RASSF6: variants seen among roughly 807,000 people sequenced by gnomAD.
The protein encoded by RASSF6 is ras association domain-containing protein 6.
Under a neutral mutation model 44.0 loss-of-function variants are expected in RASSF6, and 52 were observed. The ratio of observed to expected loss-of-function variants is 1.18; its 90% CI spans 0.95 to 1.49. RASSF6 has a LOEUF of 1.49. RASSF6 is among the 40% of genes most tolerant of loss of function. The pLI is 0.00. For missense variants in RASSF6, 464 were observed against 393.3 expected (o/e 1.18, Z -1.52); for synonymous variants, 162 against 124.6 (o/e 1.30, Z -2.00).
chr4:73,593,306 G>T lies in RASSF6; in HGVS notation c.287+145C>A, dbSNP rs187407741. ...GCCGGGATTACAGGTGTGAGCCACC[G>T]TGCCCGGCCATTGCTGGGAAATTAA... On this transcript the variant is annotated intron_variant, in intron 4 of 10. Transcript: ENST00000307439. The T allele has an allele frequency of 3.6e-3, 2,835 of 795,818 alleles. 5 individuals are homozygous for T. Among genetic ancestry groups the T allele is most frequent in the Non-Finnish European group, 4.3e-3 (2,296 of 532,690 alleles). The allele number at this position is 795,818 out of a possible 1,614,324, so 49.3% of individuals were successfully genotyped here. A position where few individuals can be genotyped will look rare whatever the true frequency, so the allele number is the denominator to read the frequency against.
At chr4:73,614,168 C>T (rs1726196940) in intron 1 of RASSF6, among the ~76,000 whole-genome samples, 6 of 152,194 alleles carry the variant, frequency 3.9e-5, no homozygotes, top group Admixed American at 1.3e-4. Context: ...CACTGTACCA[C>T]TAACATATTC....
chr4:73,601,808 G>T (rs1242552882), intron 2 of RASSF6, among the ~76,000 whole-genome samples: 1 of 152,132 alleles, frequency 6.6e-6, no homozygotes, highest in Non-Finnish European at 1.5e-5. Flanking sequence ...AATTTAACTT[G>T]GCATTAGGGG....
chr4:73,598,057 AACC>A (rs372101563), intron 3 of RASSF6, among the ~76,000 whole-genome samples: 150 of 152,326 alleles, frequency 9.8e-4, no homozygotes, highest in African/African-American at 3.2e-3. Flanking sequence ...CTGTACAACA[AACC>A]ACCATGACAC....
chr4:73,593,481 A>C lies in RASSF6; in HGVS notation c.257T>G (p.Met86Arg), dbSNP rs1213074105. The C allele has an allele frequency of 1.2e-6, 2 of 1,613,226 alleles. No homozygotes were observed. The highest frequency in any genetic ancestry group is 1.7e-6 in the Non-Finnish European group (2 of 1,179,784). The change falls in exon 4 of 11, where the codon ATG (methionine) becomes AGG (arginine). Residue 86 changes from methionine to arginine, a missense_variant. Met to Arg is a moderately conservative substitution (Grantham distance 91, BLOSUM62 -1). Transcript: ENST00000307439. ...DEKPFSSFTS[M>R]KSSDVFSSKG... ...GCTGGAGAAGACGTCTGATGACTTC[A>C]TACTAGTAAAAGAAGAGAATGGCTT...
intron 6 of RASSF6, among the ~76,000 whole-genome samples, chr4:73,584,451 C>T (rs1246523472): frequency 2.0e-5 from 3 of 152,032 alleles, no homozygotes; most frequent in Non-Finnish European, 2.9e-5. Context: ...GTCTTACAAG[C>T]ACTATGGAAA....
Position 73,606,397 on chromosome 4 carries a change from A to G in RASSF6, c.65+5334T>C, listed in dbSNP as rs111929552. 7.9e-3 allele frequency among the ~76,000 whole-genome samples: 1,206 copies of G among 152,330 alleles called. 19 individuals are homozygous for G. The highest frequency in any genetic ancestry group is 0.028 in the African/African-American group (1,151 of 41,576). On this transcript the variant is annotated intron_variant, in intron 2 of 10. Coordinates refer to ENST00000307439, the MANE Select transcript of RASSF6 (RefSeq NM_177532.5). The stretch of plus-strand genomic sequence containing the variant: ...CATGGACACAAAGATGGGAACAATG[A>G]GCACTGGGGACCACTAGATGCAAGA...
intron 1 of RASSF6, among the ~76,000 whole-genome samples, chr4:73,620,034 T>A (rs1221439920): frequency 5.3e-5 from 8 of 151,952 alleles, no homozygotes; most frequent in Non-Finnish European, 1.2e-4. Context: ...TATGGTCACA[T>A]TTACCTCCAA....
At chr4:73,591,004 C>T (rs1450900018) in intron 4 of RASSF6, among the ~76,000 whole-genome samples, 1 of 152,110 alleles carries the variant, frequency 6.6e-6, no homozygotes, top group Non-Finnish European at 1.5e-5. Flanking sequence ...CCTTGTCCAC[C>T]TGGGCTCTTG....
rs144115640 is a variant in RASSF6 at position 73,595,048 on chromosome 4, T to G, written c.145-1455A>C. Reference sequence around the variant, plus strand: ...TCCAAGGACTGCCCCTTTTAAACAGTGTCAGAAGATTTGAAAAATTCTGAA... The same window carrying G: ...TCCAAGGACTGCCCCTTTTAAACAGGGTCAGAAGATTTGAAAAATTCTGAA... On this transcript the variant is annotated intron_variant, in intron 3 of 10. Coordinates refer to ENST00000307439, the MANE Select transcript of RASSF6 (RefSeq NM_177532.5). Among the ~76,000 whole-genome samples the G allele has an allele frequency of 1.2e-4, 18 of 152,306 alleles. No homozygotes were observed. The East Asian group carries it at 2.9e-3, about 24-fold the overall frequency.
At chr4:73,579,678 T>C (rs1578017277) in intron 8 of RASSF6, among the ~76,000 whole-genome samples, 1 of 152,106 alleles carries the variant, frequency 6.6e-6, no homozygotes, top group East Asian at 1.9e-4. Flanking sequence ...GGTATTATAG[T>C]TATTAATCTT....
At chr4:73,617,337 C>T (rs1247598) in intron 1 of RASSF6, among the ~76,000 whole-genome samples, 150,228 of 152,330 alleles carry the variant, frequency 0.99, 74,106 homozygotes, top group East Asian at 1. Flanking sequence ...AAGGTGCCCT[C>T]AGGGAGATAA....
At chr4:73,616,738 T>TG (rs1726389903) in intron 1 of RASSF6, among the ~76,000 whole-genome samples, 1 of 152,200 alleles carries the variant, frequency 6.6e-6, no homozygotes, top group Non-Finnish European at 1.5e-5. Context: ...ATTTCAATTA[T>TG]GAGATAAGAG....
At chr4:73,590,527 T>C (rs1330746493) in intron 4 of RASSF6, among the ~76,000 whole-genome samples, 1 of 152,176 alleles carries the variant, frequency 6.6e-6, no homozygotes, top group Non-Finnish European at 1.5e-5. Context: ...GATGTTATCT[T>C]AAATGAGACA....
At chr4:73,587,116 T>G (rs552736419) in intron 5 of RASSF6, among the ~76,000 whole-genome samples, 44 of 152,152 alleles carry the variant, frequency 2.9e-4, no homozygotes, top group Middle Eastern at 6.8e-3. Context: ...GAGAATTACA[T>G]GAAAAAATTC....
At chr4:73,603,729 CT>C (rs1725435628) in intron 2 of RASSF6, among the ~76,000 whole-genome samples, 1 of 152,138 alleles carries the variant, frequency 6.6e-6, no homozygotes, top group Non-Finnish European at 1.5e-5. Flanking sequence ...CTGGAAGAAA[CT>C]TTTTATTTAA....
chr4:73,598,226 A>T (rs1420200261), intron 3 of RASSF6, among the ~76,000 whole-genome samples: 1 of 152,198 alleles, frequency 6.6e-6, no homozygotes, highest in African/African-American at 2.4e-5. Context: ...TAATGCATTC[A>T]TTTTAAAACC....
At position 73,599,471 on chromosome 4, in the gene RASSF6, C is replaced by T. The variant is rs192322301; in HGVS notation, c.66-753G>A. 1.2e-4 allele frequency among the ~76,000 whole-genome samples: 19 copies of T among 152,314 alleles called. No individual in the cohort carries two copies. The East Asian group carries it at 3.5e-3, about 28-fold the overall frequency. ...CCAGATGTGCTGGTGAGTGACTCAG[C>T]GCTTTCTTGCCTGGAAACTCCTCCC... On this transcript the variant is annotated intron_variant, in intron 2 of 10. Coordinates refer to ENST00000307439, the MANE Select transcript of RASSF6 (RefSeq NM_177532.5).
chr4:73,610,737 C>A (rs1288163047), intron 2 of RASSF6, among the ~76,000 whole-genome samples: 2 of 152,202 alleles, frequency 1.3e-5, no homozygotes, highest in African/African-American at 4.8e-5. Context: ...ACCCTTTCCG[C>A]TCTCTATCTC....
chr4:73,588,279 TA>T (rs1724264410), intron 4 of RASSF6, among the ~76,000 whole-genome samples: 1 of 152,010 alleles, frequency 6.6e-6, no homozygotes, highest in South Asian at 2.1e-4. Flanking sequence ...ACAATACTCT[TA>T]GGGGAGCTTG....
Sources: allele counts gnomAD v4.1 joint callset (sites outside exome capture counted in the v4.1 genomes callset), GRCh38; gene constraint gnomAD v4.1.1; transcripts MANE v1.5; gene names NCBI Gene and HGNC (gene_info 2026-07-23, HGNC 2026-07-21).